ZDHHC15: variants seen among roughly 807,000 people sequenced by gnomAD.
ZDHHC15 encodes the protein palmitoyltransferase ZDHHC15.
ZDHHC15 carries 19 observed loss-of-function variants against 31.7 expected under a neutral mutation model. The ratio of observed to expected loss-of-function variants is 0.60; its 90% CI spans 0.42 to 0.88. ZDHHC15 has a LOEUF of 0.88. Among genes scored for constraint, ZDHHC15 ranks in the 40% least tolerant of loss-of-function variants. The pLI, the probability that ZDHHC15 is intolerant of heterozygous loss-of-function variation, is 0.00. For synonymous variants in ZDHHC15, 103 were observed against 90.0 expected, an observed-to-expected ratio of 1.14 and a Z score of -0.82; for missense variants, 209 against 251.2, an observed-to-expected ratio of 0.83 and a Z score of 1.14.
chrX:75,441,725 G>A (rs904072160), intron 4 of ZDHHC15, among the ~76,000 whole-genome samples: 24 of 106,695 alleles, frequency 2.2e-4, no homozygotes, highest in South Asian at 4.4e-4. Context: ...CTGGGTTCAC[G>A]CCATTCTCCT....
chrX:75,514,975 A>G (rs1345623959), intron 1 of ZDHHC15, among the ~76,000 whole-genome samples: 1 of 112,273 alleles, frequency 8.9e-6, no homozygotes, highest in Non-Finnish European at 1.9e-5. Context: ...GAAAATCTAG[A>G]AGAAATGGAT....
intron 1 of ZDHHC15, among the ~76,000 whole-genome samples, chrX:75,509,244 T>C (rs1446505480): frequency 1.8e-5 from 2 of 111,601 alleles, no homozygotes; most frequent in East Asian, 2.8e-4. Flanking sequence ...ACCTACAGAA[T>C]GGGAGAAAAT....
At chrX:75,444,509 C>A (rs1378513789) in intron 4 of ZDHHC15, among the ~76,000 whole-genome samples, 1 of 102,393 alleles carries the variant, frequency 9.8e-6, no homozygotes, top group African/African-American at 3.7e-5. Context: ...AGGAGATATA[C>A]CTAATGTAAA....
chrX:75,379,260 T>C (rs1382174599), intron 10 of ZDHHC15, 62 bp from the exon 11 acceptor site: 27 of 1,132,988 alleles, frequency 2.4e-5, no homozygotes, highest in Non-Finnish European at 3.3e-5. Flanking sequence ...TGGGTATTCA[T>C]TCACTGGCAG....
intron 2 of ZDHHC15, chrX:75,501,543 C>T (rs945017384): frequency 9.0e-6 from 1 of 111,490 alleles, no homozygotes; most frequent in Non-Finnish European, 1.9e-5. Flanking sequence ...CTGTCTTCCA[C>T]AATTGTTGAA....
intron 2 of ZDHHC15, among the ~76,000 whole-genome samples, chrX:75,488,643 G>A (rs2084816504): frequency 8.9e-6 from 1 of 112,255 alleles, no homozygotes; most frequent in Admixed American, 9.4e-5. Flanking sequence ...AATAGGAACA[G>A]CTCCAGTCTA....
intron 1 of ZDHHC15, among the ~76,000 whole-genome samples, chrX:75,508,396 T>C (rs1055877569): frequency 9.8e-6 from 1 of 102,436 alleles, no homozygotes; most frequent in Non-Finnish European, 2.0e-5. Context: ...ACATGCAGTG[T>C]TTGGTTTTTT....
intron 4 of ZDHHC15, among the ~76,000 whole-genome samples, chrX:75,444,640 GTATATATATATATATATATA>G (rs760429265): frequency 0.014 from 310 of 22,728 alleles, 9 homozygotes; most frequent in African/African-American, 0.069. Flanking sequence ...AAGCAACACT[GTATATATATATATATATATA>G]TATATATATA....
intron 2 of ZDHHC15, among the ~76,000 whole-genome samples, chrX:75,482,577 T>C (rs1010831351): frequency 9.0e-6 from 1 of 111,703 alleles, no homozygotes; most frequent in African/African-American, 3.3e-5. Flanking sequence ...GGTTAGATTA[T>C]CAGTCTATAC....
At chrX:75,489,933 T>C (rs1323414298) in intron 2 of ZDHHC15, among the ~76,000 whole-genome samples, 1 of 112,001 alleles carries the variant, frequency 8.9e-6, no homozygotes, top group Non-Finnish European at 1.9e-5. Context: ...ACAAGAACTA[T>C]GTGACGAATG....
At chrX:75,395,465 A>T (rs2147784988) in intron 10 of ZDHHC15, among the ~76,000 whole-genome samples, 1 of 111,804 alleles carries the variant, frequency 8.9e-6, no homozygotes, top group Non-Finnish European at 1.9e-5. Context: ...TAGGTAAAAT[A>T]AAATACCCAT....
chrX:75,486,224 G>A (rs2084775619), intron 2 of ZDHHC15, among the ~76,000 whole-genome samples: 1 of 111,840 alleles, frequency 8.9e-6, no homozygotes, highest in Non-Finnish European at 1.9e-5. Flanking sequence ...AGCTGAAATG[G>A]ATTTAGGGAG....
chrX:75,483,532 A>G (rs2084727430), intron 2 of ZDHHC15, among the ~76,000 whole-genome samples: 2 of 111,183 alleles, frequency 1.8e-5, no homozygotes, highest in Admixed American at 9.6e-5. Flanking sequence ...TCACCACTGC[A>G]TTTCAGCCTG....
chrX:75,463,876 G>T (rs1403248625), intron 3 of ZDHHC15, among the ~76,000 whole-genome samples: 1 of 111,875 alleles, frequency 8.9e-6, no homozygotes, highest in Non-Finnish European at 1.9e-5. Context: ...AGACAGTGTG[G>T]CCATTCCTCA....
At chrX:75,455,719 T>G (rs1028215502) in intron 3 of ZDHHC15, among the ~76,000 whole-genome samples, 8 of 112,199 alleles carry the variant, frequency 7.1e-5, no homozygotes, top group Non-Finnish European at 1.3e-4. Flanking sequence ...GAACAGACAC[T>G]TTTCAAAAGA....
chrX:75,395,739 T>A (rs1185678391), intron 10 of ZDHHC15, among the ~76,000 whole-genome samples: 1 of 111,105 alleles, frequency 9.0e-6, no homozygotes, highest in Non-Finnish European at 1.9e-5. Context: ...GCCAAAGCTA[T>A]CCTGAGCAAA....
At chrX:75,455,966 T>G (rs4892585) in intron 3 of ZDHHC15, among the ~76,000 whole-genome samples, 2 of 110,510 alleles carry the variant, frequency 1.8e-5, no homozygotes, top group Non-Finnish European at 3.8e-5. Context: ...GGATCTAGAA[T>G]TAGAAATAGC....
chrX:75,496,324 C>T (rs1352936215), intron 2 of ZDHHC15, among the ~76,000 whole-genome samples: 3 of 111,267 alleles, frequency 2.7e-5, no homozygotes, highest in Non-Finnish European at 5.7e-5. Context: ...AATATATATG[C>T]ACCTAACACT....
intron 11 of ZDHHC15, 136 bp downstream of exon 11, chrX:75,378,984 T>C: frequency 2.2e-6 from 1 of 456,253 alleles, no homozygotes. Context: ...CTTCTGCTTA[T>C]GCATGCATTA....
Sources: gnomAD v4.1 joint callset for allele counts (sites outside exome capture counted in the v4.1 genomes callset) on GRCh38, gnomAD v4.1.1 for gene constraint, MANE v1.5 for transcripts, NCBI Gene and HGNC (gene_info 2026-07-23, HGNC 2026-07-21) for gene names.